Variants in USP34 observed in about 807,000 individuals in gnomAD.
USP34 encodes ubiquitin specific peptidase 34, also known as ubiquitin carboxyl-terminal hydrolase 34.
In USP34, 70 loss-of-function variants were observed where a neutral mutation model predicts 460.3. That is an observed-to-expected ratio of 0.15 (90% CI 0.13 to 0.19). The LOEUF (loss-of-function observed/expected upper bound fraction) is 0.19, where lower values mean the gene tolerates loss of function less well. USP34 is among the 10% of genes least tolerant of loss of function. The pLI, the probability that USP34 is intolerant of heterozygous loss-of-function variation, is 1.00. For synonymous variants in USP34, 1,647 were observed against 1,405.3 expected (o/e 1.17, Z -3.85); for missense variants, 3,985 against 4,236.2 (o/e 0.94, Z 1.65).
At chr2:61,413,716 G>C (rs1374048500) in intron 2 of USP34, among the ~76,000 whole-genome samples, 1 of 132,106 alleles carries the variant, frequency 7.6e-6, no homozygotes, top group Admixed American at 7.9e-5. Flanking sequence ...AGTGGCTCAC[G>C]CCTGTAATCC....
At chr2:61,298,572 A>AAAAAAAAC (rs1690115222) in intron 29 of USP34, among the ~76,000 whole-genome samples, 15 of 130,152 alleles carry the variant, frequency 1.2e-4, no homozygotes, top group Non-Finnish European at 2.0e-4. Context: ...AAAAAAAAAA[A>AAAAAAAAC]TCTGCTGAAA....
intron 1 of USP34, among the ~76,000 whole-genome samples, chr2:61,423,019 AC>A (rs1295506355): frequency 2.6e-5 from 4 of 152,176 alleles, no homozygotes; most frequent in African/African-American, 9.7e-5. Flanking sequence ...ACAGAGTGAG[AC>A]CCCCTCTCAA....
intron 33 of USP34, 116 bp downstream of exon 33, chr2:61,293,348 T>C (rs1689920783): frequency 3.2e-6 from 2 of 618,868 alleles, no homozygotes; most frequent in Non-Finnish European, 5.4e-6. Flanking sequence ...ATTTCTGCTA[T>C]ATTCCATACT....
At chr2:61,393,483 T>C (rs545314533) in intron 5 of USP34, among the ~76,000 whole-genome samples, 2 of 151,528 alleles carry the variant, frequency 1.3e-5, no homozygotes, top group East Asian at 3.9e-4. Context: ...ACTACTACTA[T>C]ATGTAATAAT....
At chr2:61,384,109 T>C (rs1229109476) in intron 5 of USP34, among the ~76,000 whole-genome samples, 1 of 152,162 alleles carries the variant, frequency 6.6e-6, no homozygotes, top group Non-Finnish European at 1.5e-5. Context: ...CTGAAGCAAA[T>C]ATATTTTACA....
intron 29 of USP34, among the ~76,000 whole-genome samples, chr2:61,297,996 C>G (rs1690087535): frequency 6.6e-6 from 1 of 151,998 alleles, no homozygotes; most frequent in Non-Finnish European, 1.5e-5. Context: ...ACTCATCATT[C>G]CGTTGTAAAT....
intron 3 of USP34, among the ~76,000 whole-genome samples, chr2:61,400,988 A>G (rs1693700068): frequency 6.6e-6 from 1 of 151,788 alleles, no homozygotes; most frequent in Non-Finnish European, 1.5e-5. Context: ...TGTCTCTACT[A>G]AAAATACAAA....
chr2:61,350,320 A>G lies in USP34; in HGVS notation c.1447T>C (p.Ser483Pro), dbSNP rs371931763. The change falls in exon 12 of 80, where the codon TCT becomes CCT. Residue 483 changes from serine to proline, a missense_variant. By Grantham distance (74) the Ser-to-Pro change is moderately conservative (BLOSUM62 -1). This residue lies in a region of USP34 where 716 missense variants were observed against 626.2 expected (regional missense o/e 1.14). Coordinates refer to ENST00000398571, the MANE Select transcript of USP34 (RefSeq NM_014709.4). ...NNALAAKAQLSKQSSFASLLN... is the reference protein window; with the variant it reads ...NNALAAKAQLPKQSSFASLLN... Reference sequence around the variant, plus strand: ...AAAGATGCAAAAGAACTCTGTTTAGATAACTGAGCCTTAGCTGCTAGTGCG... The same window carrying G: ...AAAGATGCAAAAGAACTCTGTTTAGGTAACTGAGCCTTAGCTGCTAGTGCG... 3.6e-5 allele frequency: 58 copies of G among 1,613,496 alleles called. No individual in the cohort carries two copies. The highest frequency in any genetic ancestry group is 3.3e-4 in the Middle Eastern group (2 of 6,076).
At chr2:61,295,818 C>G (rs1690008938) in intron 30 of USP34, among the ~76,000 whole-genome samples, 1 of 152,180 alleles carries the variant, frequency 6.6e-6, no homozygotes, top group African/African-American at 2.4e-5. Flanking sequence ...ACTTCCAAGT[C>G]TTGTGAGATA....
chr2:61,464,664 C>T lies in USP34; in HGVS notation c.43+5986G>A, dbSNP rs186288818. Reference sequence around the variant, plus strand: ...CCCAGGAGGCGGAGGTTGCAGTGAGCCCAAGATCGCACCACTGCACTCCAG... The same window carrying T: ...CCCAGGAGGCGGAGGTTGCAGTGAGTCCAAGATCGCACCACTGCACTCCAG... On this transcript the variant is annotated intron_variant, in intron 1 of 79. Coordinates refer to ENST00000398571, the MANE Select transcript of USP34 (RefSeq NM_014709.4). Among the ~76,000 whole-genome samples the T allele has an allele frequency of 5.6e-5, 8 of 143,344 alleles. No individual in the cohort carries two copies. In the East Asian group the frequency reaches 1.8e-3, roughly 32 times the overall value. The allele number at this position is 143,344 out of a possible 152,430, so 94.0% of individuals were successfully genotyped here.
In USP34 at chr2:61,203,222, G is replaced by A; in HGVS notation, c.9426C>T (p.Phe3142=). Residue 3142 remains phenylalanine (F), a synonymous_variant, in exon 75 of 80, where the codon TTC becomes TTT. Coordinates refer to ENST00000398571, the MANE Select transcript of USP34 (RefSeq NM_014709.4). ...DVYDRMLLDY[F]FSYHQFIHLL... is the part of the protein sequence containing the mutation. ...GATGGATGAACTGATGATAAGAAAA[G>A]AAGTAGTCTAGCAGCATACGATCAT... 6.2e-7 allele frequency: 1 copy of A among 1,602,330 alleles called. No homozygotes were observed. Among genetic ancestry groups the A allele is most frequent in the Non-Finnish European group, 8.5e-7 (1 of 1,174,420 alleles).
Position 61,413,806 on chromosome 2 carries a change from C to G in USP34, c.131+6940G>C, listed in dbSNP as rs568501850. ...CAGCCTGGGCAACATGGGGAAACCC[C>G]GTCTCTACTAGATACTCAGGAGGCT... On this transcript the variant is annotated intron_variant, in intron 2 of 79. Coordinates refer to ENST00000398571, the MANE Select transcript of USP34 (RefSeq NM_014709.4). Among the ~76,000 whole-genome samples, 6 of 123,404 alleles carry G rather than the reference C, an allele frequency of 4.9e-5. No homozygotes were observed. In the South Asian group the frequency reaches 1.3e-3, roughly 27 times the overall value. 81.0% of individuals were successfully genotyped at this position (123,404 alleles called of 152,430 possible). A position where few individuals can be genotyped will look rare whatever the true frequency, so the allele number is the denominator to read the frequency against.
intron 1 of USP34, among the ~76,000 whole-genome samples, chr2:61,428,379 A>G (rs908493563): frequency 3.3e-5 from 5 of 152,302 alleles, no homozygotes; most frequent in South Asian, 2.1e-4. Context: ...ACAGGTAATA[A>G]AAGCAAGTTT....
At chr2:61,232,278 G>C (rs1056016037) in intron 58 of USP34, among the ~76,000 whole-genome samples, 174 bp downstream of exon 58, 2 of 152,182 alleles carry the variant, frequency 1.3e-5, no homozygotes, top group African/African-American at 4.8e-5. Context: ...AGTGAGAGCT[G>C]ATGTTAAAAG....
rs530193752 is a variant in USP34 at position 61,322,088 on chromosome 2, G to C, written c.3014-2761C>G. Among the ~76,000 whole-genome samples the C allele has an allele frequency of 3.1e-3, 474 of 152,172 alleles. 3 individuals are homozygous for C. Among genetic ancestry groups the C allele is most frequent in the Non-Finnish European group, 5.5e-3 (374 of 68,000 alleles). On this transcript the variant is annotated intron_variant, in intron 21 of 79. Transcript: ENST00000398571. The stretch of plus-strand genomic sequence containing the variant: ...TACTAAAAATACAAAAAATTAGCTA[G>C]GCGTGGTGGCGCATGCCTATAATAC...
At chr2:61,381,921 A>C (rs1012364820) in intron 6 of USP34, among the ~76,000 whole-genome samples, 1 of 152,166 alleles carries the variant, frequency 6.6e-6, no homozygotes, top group South Asian at 2.1e-4. Context: ...CTCAGTAATG[A>C]TATCCACAGT....
chr2:61,253,659 G>A (rs1045901030), intron 48 of USP34, among the ~76,000 whole-genome samples: 6 of 151,404 alleles, frequency 4.0e-5, no homozygotes, highest in African/African-American at 1.2e-4. Context: ...AACATGCTCA[G>A]ATATCTTTCA....
At chr2:61,373,006 A>G (rs1692677695) in intron 8 of USP34, among the ~76,000 whole-genome samples, 1 of 152,190 alleles carries the variant, frequency 6.6e-6, no homozygotes, top group African/African-American at 2.4e-5. Context: ...AACTAAGCAT[A>G]CACAAGGGAA....
intron 79 of USP34, 53 bp from the exon 80 acceptor site, chr2:61,188,762 G>C (rs1044562928): frequency 2.5e-5 from 39 of 1,583,722 alleles, no homozygotes; most frequent in East Asian, 9.0e-5. Flanking sequence ...TTAAGATCAC[G>C]TTAGGGGGGG....
Sources: allele counts gnomAD v4.1 joint callset (sites outside exome capture counted in the v4.1 genomes callset), GRCh38; gene constraint gnomAD v4.1.1; regional missense constraint gnomAD v4.1.1; transcripts MANE v1.5; gene names NCBI Gene and HGNC (gene_info 2026-07-23, HGNC 2026-07-21).